STXBP5: variants seen among roughly 807,000 people sequenced by gnomAD.
The protein encoded by STXBP5 is syntaxin binding protein 5.
In STXBP5, 50 loss-of-function variants were observed where a neutral mutation model predicts 152.4. The observed-to-expected ratio is 0.33, with a 90% confidence interval of 0.26 to 0.42. The LOEUF is 0.42. Among genes scored for constraint, STXBP5 ranks in the 10% least tolerant of loss-of-function variants. STXBP5 has a pLI of 1.00. For synonymous variants in STXBP5, 492 were observed against 494.7 expected, an observed-to-expected ratio of 0.99 and a Z score of 0.07; for missense variants, 1,167 against 1,388.6, an observed-to-expected ratio of 0.84 and a Z score of 2.54.
At chr6:147,363,184 C>G in intron 23 of STXBP5, 151 bp from the exon 24 acceptor site, 1 of 781,678 alleles carries the variant, frequency 1.3e-6, no homozygotes, top group Non-Finnish European at 1.9e-6. Context: ...AAATACCACG[C>G]TTAAAGTCCG....
rs371093835 is a variant in STXBP5 at position 147,296,084 on chromosome 6, G to C, written c.917+4912G>C. On this transcript the variant is annotated intron_variant, in intron 9 of 27. Coordinates refer to ENST00000321680, the MANE Select transcript of STXBP5 (RefSeq NM_001127715.4). ...CCCCCAAAAAAAAACAGATGGTCCT[G>C]TACAATGAGGGAGGCAGCCCTGGGC... Among the ~76,000 whole-genome samples, 5 of 152,230 alleles carry C rather than the reference G, an allele frequency of 3.3e-5. No individual in the cohort carries two copies. The East Asian group carries it at 9.7e-4, about 29-fold the overall frequency.
chr6:147,265,875 A>AGTCCATTATT (rs1216231321), intron 6 of STXBP5, among the ~76,000 whole-genome samples: 2 of 152,200 alleles, frequency 1.3e-5, no homozygotes, highest in East Asian at 3.9e-4. Flanking sequence ...AATAAGGAAA[A>AGTCCATTATT]GTCCATTATT....
At chr6:147,336,610 A>T (rs747032420) in intron 19 of STXBP5, among the ~76,000 whole-genome samples, 2 of 152,090 alleles carry the variant, frequency 1.3e-5, no homozygotes, top group Non-Finnish European at 2.9e-5. Context: ...AGCCTCAAAT[A>T]GTTTCCACAA....
chr6:147,363,980 G>GTTTTTAA, intron 24 of STXBP5, 21 bp from the exon 25 acceptor site: 1 of 1,608,286 alleles, frequency 6.2e-7, no homozygotes, highest in Non-Finnish European at 8.5e-7. Context: ...TTATTAACAA[G>GTTTTTAA]TTTTTAATTT....
chr6:147,363,606 T>C lies in STXBP5; in HGVS notation c.2817T>C (p.Ile939=), dbSNP rs755079245. 1 of 1,614,158 alleles carries C rather than the reference T, an allele frequency of 6.2e-7. No individual in the cohort carries two copies. Among genetic ancestry groups the C allele is most frequent in the Non-Finnish European group, 8.5e-7 (1 of 1,180,022 alleles). ...PTQNCAYKQN[I]TETSFVLRGD... is the part of the protein sequence containing the mutation. ...AGAACTGTGCTTATAAGCAAAATAT[T>C]ACAGAGACCTCGTTTGTGCTTCGTG... The change falls in exon 24 of 28, where the codon ATT becomes ATC. Residue 939 remains isoleucine (I), a synonymous_variant. Coordinates refer to ENST00000321680, the MANE Select transcript of STXBP5 (RefSeq NM_001127715.4).
At chr6:147,279,764 T>A (rs1277849424) in intron 8 of STXBP5, among the ~76,000 whole-genome samples, 1 of 152,156 alleles carries the variant, frequency 6.6e-6, no homozygotes, top group Non-Finnish European at 1.5e-5. Context: ...GTTCCTCATC[T>A]CGACACTCCT....
At chr6:147,216,391 C>CA (rs780330660) in intron 2 of STXBP5, among the ~76,000 whole-genome samples, 40 of 151,932 alleles carry the variant, frequency 2.6e-4, no homozygotes, top group East Asian at 2.1e-3. Context: ...GACTCCATGT[C>CA]AAAAACAAAA....
intron 2 of STXBP5, among the ~76,000 whole-genome samples, chr6:147,230,603 T>C (rs758811235): frequency 6.6e-6 from 1 of 151,874 alleles, no homozygotes; most frequent in Non-Finnish European, 1.5e-5. Flanking sequence ...TTTAAGATGA[T>C]TTATAATAAA....
At chr6:147,384,235 C>CTTCAGTT (rs1357384990) in intron 27 of STXBP5, among the ~76,000 whole-genome samples, 1 of 152,084 alleles carries the variant, frequency 6.6e-6, no homozygotes, top group Non-Finnish European at 1.5e-5. Flanking sequence ...CCCCTAGAAG[C>CTTCAGTT]TTCAGTTTCA....
At chr6:147,207,536 C>T (rs960709544) in intron 2 of STXBP5, among the ~76,000 whole-genome samples, 3 of 152,100 alleles carry the variant, frequency 2.0e-5, no homozygotes, top group African/African-American at 7.2e-5. Context: ...GTGATCAAGA[C>T]CATCTAGTTT....
chr6:147,331,805 T>TAAAAAAAAA (rs758010688), intron 18 of STXBP5, among the ~76,000 whole-genome samples: 2 of 115,404 alleles, frequency 1.7e-5, no homozygotes, highest in Non-Finnish European at 3.6e-5. Flanking sequence ...TTCTACCAGT[T>TAAAAAAAAA]AAAAAAAAAA....
At chr6:147,351,296 ATAACT>A (rs952681047) in intron 21 of STXBP5, among the ~76,000 whole-genome samples, 4 of 152,228 alleles carry the variant, frequency 2.6e-5, no homozygotes, top group African/African-American at 9.6e-5. Flanking sequence ...AGGATTTAAA[ATAACT>A]TATCAAATCA....
At chr6:147,336,015 A>T (rs1475549032) in intron 19 of STXBP5, among the ~76,000 whole-genome samples, 2 of 152,250 alleles carry the variant, frequency 1.3e-5, no homozygotes, top group Admixed American at 1.3e-4. Flanking sequence ...GACTTCAAAA[A>T]ATCATTGATA....
chr6:147,269,854 T>A (rs755921860), intron 7 of STXBP5, among the ~76,000 whole-genome samples: 1 of 152,190 alleles, frequency 6.6e-6, no homozygotes, highest in Non-Finnish European at 1.5e-5. Context: ...GACTAATATG[T>A]GTATTTTGAA....
intron 2 of STXBP5, among the ~76,000 whole-genome samples, chr6:147,214,232 G>GTAT (rs1777044881): frequency 6.6e-6 from 1 of 152,078 alleles, no homozygotes; most frequent in Admixed American, 6.5e-5. Flanking sequence ...CTGTATATCT[G>GTAT]TATTATCATT....
intron 25 of STXBP5, among the ~76,000 whole-genome samples, chr6:147,370,959 C>T (rs1357845711): frequency 1.3e-5 from 2 of 152,030 alleles, no homozygotes; most frequent in Non-Finnish European, 2.9e-5. Flanking sequence ...AAAGCCCATA[C>T]ATTGACCCAT....
At chr6:147,325,522 C>G (rs1783203146) in intron 17 of STXBP5, among the ~76,000 whole-genome samples, 1 of 152,164 alleles carries the variant, frequency 6.6e-6, no homozygotes, top group Non-Finnish European at 1.5e-5. Flanking sequence ...ATTGTAAAAG[C>G]ATGACAATAA....
chr6:147,231,413 A>C (rs1389733783), intron 2 of STXBP5, among the ~76,000 whole-genome samples: 1 of 151,904 alleles, frequency 6.6e-6, no homozygotes, highest in East Asian at 1.9e-4. Context: ...TGGGTCAGAT[A>C]AATTAACTGA....
chr6:147,276,727 A>G (rs928950056), intron 7 of STXBP5, among the ~76,000 whole-genome samples: 2 of 152,150 alleles, frequency 1.3e-5, no homozygotes, highest in Non-Finnish European at 2.9e-5. Context: ...TCAAAATGTC[A>G]TATGTATATG....
Sources: gnomAD v4.1 joint callset for allele counts (sites outside exome capture counted in the v4.1 genomes callset) on GRCh38, gnomAD v4.1.1 for gene constraint, MANE v1.5 for transcripts, NCBI Gene and HGNC (gene_info 2026-07-23, HGNC 2026-07-21) for gene names.